The following NRXN3 variants were observed in gnomAD, a reference collection of about 807,000 sequenced individuals.
The protein encoded by NRXN3 is neurexin 3, also known as neurexin III.
Under a neutral mutation model 137.6 loss-of-function variants are expected in NRXN3, and 32 were observed. That is an observed-to-expected ratio of 0.23 (90% confidence interval 0.18 to 0.31). The LOEUF is 0.31. Among genes scored for constraint, NRXN3 ranks in the 10% least tolerant of loss-of-function variants. NRXN3 has a pLI of 1.00. For missense variants in NRXN3, 1,574 were observed against 2,062.5 expected, an observed-to-expected ratio of 0.76 and a Z score of 4.59; for synonymous variants, 798 against 784.5, an observed-to-expected ratio of 1.02 and a Z score of -0.29.
At chr14:79,812,728 C>G (rs2099238590) in intron 20 of NRXN3, among the ~76,000 whole-genome samples, 1 of 152,080 alleles carries the variant, frequency 6.6e-6, no homozygotes, top group South Asian at 2.1e-4. Context: ...TTCACATATA[C>G]AGTATGGTCA....
intron 15 of NRXN3, among the ~76,000 whole-genome samples, chr14:79,023,268 G>A (rs1474516702): frequency 6.6e-6 from 1 of 152,078 alleles, no homozygotes; most frequent in Non-Finnish European, 1.5e-5. Flanking sequence ...TTTAGAACTT[G>A]CTGTATGCCC....
intron 4 of NRXN3, among the ~76,000 whole-genome samples, chr14:78,408,861 G>A (rs1174215024): frequency 6.6e-6 from 1 of 152,192 alleles, no homozygotes; most frequent in East Asian, 1.9e-4. Context: ...GTGGTTTGGA[G>A]ATTTCATCTC....
intron 20 of NRXN3, chr14:79,853,644 C>T (rs1280293570): frequency 7.5e-7 from 1 of 1,338,000 alleles, no homozygotes; most frequent in African/African-American, 1.5e-5. Context: ...GTAGTTCACT[C>T]ATAGATATGA....
chr14:79,802,044 G>GAA (rs766291290), intron 19 of NRXN3, among the ~76,000 whole-genome samples: 126 of 124,460 alleles, frequency 1.0e-3, no homozygotes, highest in African/African-American at 3.2e-3. Context: ...TCCTTTTTCT[G>GAA]AAAAAAAAAA....
chr14:79,818,462 C>G (rs1461004754), intron 20 of NRXN3, among the ~76,000 whole-genome samples: 1 of 152,198 alleles, frequency 6.6e-6, no homozygotes, highest in South Asian at 2.1e-4. Flanking sequence ...AGGCTCTTAG[C>G]GAGAGCTTGG....
At chr14:79,578,279 G>T (rs2097683418) in intron 16 of NRXN3, among the ~76,000 whole-genome samples, 1 of 152,160 alleles carries the variant, frequency 6.6e-6, no homozygotes, top group African/African-American at 2.4e-5. Context: ...CTCCCATGGG[G>T]TCAAATAACT....
At chr14:79,535,967 G>A (rs905018597) in intron 16 of NRXN3, among the ~76,000 whole-genome samples, 10 of 152,128 alleles carry the variant, frequency 6.6e-5, no homozygotes, top group African/African-American at 1.9e-4. Flanking sequence ...ATTATAGGTG[G>A]AATAAGATAC....
Position 79,829,813 on chromosome 14 carries a change from C to CT in NRXN3, c.4093+24633dup, listed in dbSNP as rs145106560. Among the ~76,000 whole-genome samples, 86 of 149,936 alleles carry CT rather than the reference C, an allele frequency of 5.7e-4. 1 individual carries two copies. The highest frequency in any genetic ancestry group is 3.5e-3 in the Middle Eastern group (1 of 288). On this transcript the variant is annotated intron_variant, in intron 20 of 20. Coordinates refer to ENST00000335750, the MANE Select transcript of NRXN3 (RefSeq NM_001330195.2). ...CTACCGTGGCCACTGAATCCAATGA[C>CT]TTTTTTTTTTATTAATATGAAGGTG...
intron 4 of NRXN3, among the ~76,000 whole-genome samples, chr14:78,455,306 T>G (rs1371220138): frequency 1.3e-5 from 2 of 152,150 alleles, no homozygotes; most frequent in African/African-American, 4.8e-5. Flanking sequence ...TTCCTTTCAG[T>G]CCAGTTTTAC....
intron 6 of NRXN3, among the ~76,000 whole-genome samples, chr14:78,659,665 G>A (rs1448597714): frequency 6.7e-6 from 1 of 149,924 alleles, no homozygotes; most frequent in African/African-American, 2.5e-5. Context: ...GGGCAACAGA[G>A]CGAGACTCTG....
At chr14:78,655,671 A>G (rs918703581) in intron 6 of NRXN3, among the ~76,000 whole-genome samples, 1 of 152,186 alleles carries the variant, frequency 6.6e-6, no homozygotes, top group Non-Finnish European at 1.5e-5. Context: ...GCACTCAATA[A>G]GTATGTCTGG....
chr14:79,663,264 G>GTA (rs1302574988), intron 16 of NRXN3, among the ~76,000 whole-genome samples: 4 of 151,510 alleles, frequency 2.6e-5, no homozygotes, highest in East Asian at 3.9e-4. Context: ...GTGTGTGTGT[G>GTA]TATATTTATA....
intron 19 of NRXN3, among the ~76,000 whole-genome samples, chr14:79,795,105 C>T (rs2099157202): frequency 6.6e-6 from 1 of 152,170 alleles, no homozygotes; most frequent in Non-Finnish European, 1.5e-5. Flanking sequence ...ATTTTGACAG[C>T]AAATGAGTGT....
At chr14:79,083,180 T>C (rs73322893) in intron 15 of NRXN3, among the ~76,000 whole-genome samples, 6,634 of 152,274 alleles carry the variant, frequency 0.044, 524 homozygotes, top group African/African-American at 0.15. Flanking sequence ...CAGAAGTCTT[T>C]TTCCTGCAGC....
At chr14:79,858,839 G>A (rs2141904786) in intron 20 of NRXN3, among the ~76,000 whole-genome samples, 1 of 152,106 alleles carries the variant, frequency 6.6e-6, no homozygotes, top group East Asian at 1.9e-4. Flanking sequence ...TAATAAAAAA[G>A]TTTGCTCAGA....
intron 4 of NRXN3, among the ~76,000 whole-genome samples, chr14:78,484,856 G>A (rs534034617): frequency 6.6e-6 from 1 of 152,238 alleles, no homozygotes; most frequent in African/African-American, 2.4e-5. Flanking sequence ...AAAAAGCAAG[G>A]GGTGGGGAAA....
At chr14:78,995,751 C>T (rs183855491) in intron 15 of NRXN3, among the ~76,000 whole-genome samples, 1 of 152,230 alleles carries the variant, frequency 6.6e-6, no homozygotes, top group Admixed American at 6.5e-5. Context: ...ATTTATTTAA[C>T]TCCATAATGA....
chr14:79,389,890 A>G (rs1043027404), intron 15 of NRXN3, among the ~76,000 whole-genome samples: 1 of 152,242 alleles, frequency 6.6e-6, no homozygotes, highest in African/African-American at 2.4e-5. Context: ...ATATGAGGCA[A>G]GAATTTTAAA....
chr14:79,183,035 A>T (rs2063117624), intron 15 of NRXN3, among the ~76,000 whole-genome samples: 1 of 152,222 alleles, frequency 6.6e-6, no homozygotes, highest in Non-Finnish European at 1.5e-5. Flanking sequence ...AGAATACATT[A>T]TATGAAGTCT....
Sources: gnomAD v4.1 joint callset for allele counts (sites outside exome capture counted in the v4.1 genomes callset) on GRCh38, gnomAD v4.1.1 for gene constraint, MANE v1.5 for transcripts, NCBI Gene and HGNC (gene_info 2026-07-23, HGNC 2026-07-21) for gene names.